Variants in FRMD3 observed in about 807,000 individuals in gnomAD.
FRMD3 encodes FERM domain containing 3.
A neutral mutation model predicts 70.2 loss-of-function variants in FRMD3; 33 were observed. The observed-to-expected ratio is 0.47, with a 90% CI of 0.36 to 0.63. The LOEUF (loss-of-function observed/expected upper bound fraction) is 0.63. Among genes scored for constraint, FRMD3 ranks in the 20% least tolerant of loss-of-function variants. The pLI is 0.00. For synonymous variants in FRMD3, 279 were observed against 255.9 expected (o/e 1.09, Z -0.86); for missense variants, 632 against 711.4 (o/e 0.89, Z 1.27).
Position 83,311,930 on chromosome 9 carries a change from AG to A in FRMD3, c.729del (p.Phe244LeufsTer12). 3 of 1,612,452 alleles carry A rather than the reference AG, an allele frequency of 1.9e-6. No individual in the cohort carries two copies. The highest frequency in any genetic ancestry group is 2.5e-6 in the Non-Finnish European group (3 of 1,179,318). ...CTCTTATTTCCCTGAAAGACCACAA[AG>A]CCTGCAGCTGTGAATCCTAAAAATG... ...TTTFLGFTAA[G>X]FVVFQGNKRI... On this transcript the variant is annotated frameshift_variant, in exon 8 of 14. Transcript: ENST00000304195. LOFTEE classifies it high-confidence loss of function.
At chr9:83,289,334 G>A (rs1834327823) in intron 13 of FRMD3, among the ~76,000 whole-genome samples, 1 of 152,178 alleles carries the variant, frequency 6.6e-6, no homozygotes, top group South Asian at 2.1e-4. Context: ...TATAACAAGA[G>A]TGTTCTCATT....
At chr9:83,526,746 C>T (rs12349143) in intron 1 of FRMD3, among the ~76,000 whole-genome samples, 1,704 of 152,182 alleles carry the variant, frequency 0.011, 34 homozygotes, top group African/African-American at 0.039. Context: ...CAGCTCTGTG[C>T]TAGGAATATA....
At chr9:83,479,037 T>C (rs1828465675) in intron 1 of FRMD3, among the ~76,000 whole-genome samples, 1 of 152,022 alleles carries the variant, frequency 6.6e-6, no homozygotes, top group East Asian at 1.9e-4. Flanking sequence ...ACTAAGATTA[T>C]TTAAAAATTA....
intron 1 of FRMD3, among the ~76,000 whole-genome samples, chr9:83,506,364 G>C (rs1829182043): frequency 6.6e-6 from 1 of 152,176 alleles, no homozygotes; most frequent in African/African-American, 2.4e-5. Flanking sequence ...CAATTTCATT[G>C]TACAAACCCA....
chr9:83,421,621 G>A (rs1826646661), intron 1 of FRMD3, among the ~76,000 whole-genome samples: 2 of 152,180 alleles, frequency 1.3e-5, no homozygotes, highest in Non-Finnish European at 2.9e-5. Flanking sequence ...TGATTCATAA[G>A]ATGGCAGCTG....
chr9:83,446,555 G>T (rs1396405373), intron 1 of FRMD3, among the ~76,000 whole-genome samples: 2 of 150,852 alleles, frequency 1.3e-5, no homozygotes, highest in Non-Finnish European at 2.9e-5. Flanking sequence ...GCTGAGGCAG[G>T]AGAATGGCGT....
intron 6 of FRMD3, among the ~76,000 whole-genome samples, chr9:83,315,168 T>C (rs1835517635): frequency 6.6e-6 from 1 of 152,176 alleles, no homozygotes. Flanking sequence ...CCTCTGAGGG[T>C]ACCACTTCAT....
chr9:83,525,456 A>G (rs1241629691), intron 1 of FRMD3, among the ~76,000 whole-genome samples: 1 of 152,228 alleles, frequency 6.6e-6, no homozygotes, highest in Non-Finnish European at 1.5e-5. Flanking sequence ...AAAATTTGCC[A>G]CAAGAGGTAT....
intron 13 of FRMD3, among the ~76,000 whole-genome samples, chr9:83,277,768 T>C (rs1254168760): frequency 6.6e-6 from 1 of 152,254 alleles, no homozygotes. Context: ...TTCTTTTATA[T>C]AAATAAATGC....
At chr9:83,454,057 G>A (rs985746904) in intron 1 of FRMD3, among the ~76,000 whole-genome samples, 1 of 152,126 alleles carries the variant, frequency 6.6e-6, no homozygotes. Context: ...ATTAAATTAT[G>A]TATGTGGCTT....
intron 13 of FRMD3, among the ~76,000 whole-genome samples, chr9:83,263,883 T>C (rs1013360542): frequency 6.6e-6 from 1 of 152,170 alleles, no homozygotes; most frequent in Non-Finnish European, 1.5e-5. Context: ...AAAACTTGCA[T>C]GAGGACAATG....
At chr9:83,379,954 C>T (rs1335182353) in intron 2 of FRMD3, among the ~76,000 whole-genome samples, 1 of 152,278 alleles carries the variant, frequency 6.6e-6, no homozygotes, top group East Asian at 1.9e-4. Flanking sequence ...TGGCCTCCTT[C>T]GCCTCCCTCC....
At chr9:83,432,901 CTTCT>C (rs1445684256) in intron 1 of FRMD3, among the ~76,000 whole-genome samples, 2 of 152,170 alleles carry the variant, frequency 1.3e-5, no homozygotes, top group African/African-American at 4.8e-5. Flanking sequence ...CTTTACCCTC[CTTCT>C]GAGTCTCCAA....
rs556368595 is a variant in FRMD3, at chr9:83,354,164, G to A, written c.296-4407C>T. 2.0e-5 allele frequency among the ~76,000 whole-genome samples: 3 copies of A among 152,314 alleles called. No homozygotes were observed. In the East Asian group the frequency reaches 5.8e-4, roughly 29 times the overall value. On this transcript the variant is annotated intron_variant, in intron 3 of 13. Transcript: ENST00000304195. Reference sequence around the variant, plus strand: ...TGGTCTCGAACTCCTGACCTCAGGTGATCCACCTGCCTTGGCCTCCCAAAG... The same window carrying A: ...TGGTCTCGAACTCCTGACCTCAGGTAATCCACCTGCCTTGGCCTCCCAAAG...
intron 1 of FRMD3, among the ~76,000 whole-genome samples, chr9:83,391,493 C>G (rs535465642): frequency 6.6e-6 from 1 of 152,158 alleles, no homozygotes; most frequent in African/African-American, 2.4e-5. Flanking sequence ...GTATTCCCTA[C>G]CATATTCCAG....
chr9:83,272,771 G>A (rs1387188642), intron 13 of FRMD3, among the ~76,000 whole-genome samples: 2 of 150,402 alleles, frequency 1.3e-5, no homozygotes, highest in African/African-American at 4.9e-5. Flanking sequence ...TCTGAGATGT[G>A]GGGAGTGCCT....
intron 13 of FRMD3, among the ~76,000 whole-genome samples, chr9:83,260,073 G>A (rs898006770): frequency 2.6e-4 from 40 of 152,076 alleles, no homozygotes; most frequent in Non-Finnish European, 1.6e-4. Flanking sequence ...CTGCAAAATG[G>A]ACCAGACCCT....
At chr9:83,376,538 G>A (rs1009618943) in intron 2 of FRMD3, among the ~76,000 whole-genome samples, 1 of 151,820 alleles carries the variant, frequency 6.6e-6, no homozygotes, top group Non-Finnish European at 1.5e-5. Flanking sequence ...AGCCACAGTA[G>A]ACATCAGTCA....
chr9:83,449,715 A>C (rs937010676), intron 1 of FRMD3, among the ~76,000 whole-genome samples: 4 of 152,074 alleles, frequency 2.6e-5, no homozygotes, highest in Non-Finnish European at 5.9e-5. Flanking sequence ...TCAGCTCTAG[A>C]CTCATGTTTG....
Sources: gnomAD v4.1 joint callset for allele counts (sites outside exome capture counted in the v4.1 genomes callset) on GRCh38, gnomAD v4.1.1 for gene constraint, MANE v1.5 for transcripts, NCBI Gene and HGNC (gene_info 2026-07-23, HGNC 2026-07-21) for gene names.